Variants in F13A1 observed in about 807,000 individuals in gnomAD.
F13A1 encodes the protein coagulation factor XIII A chain, also known as FSF, A subunit.
F13A1 carries 47 observed loss-of-function variants against 80.1 expected under a neutral mutation model. The ratio of observed to expected loss-of-function variants is 0.59; its 90% CI spans 0.46 to 0.75. The LOEUF (loss-of-function observed/expected upper bound fraction) is 0.75, where lower values mean the gene tolerates loss of function less well. F13A1 is among the 30% of genes least tolerant of loss of function. The probability of loss-of-function intolerance (pLI) is 0.00; values close to 1 mark genes in which losing one functional copy is unlikely to be tolerated. For synonymous variants in F13A1, 349 were observed against 344.9 expected, an observed-to-expected ratio of 1.01 and a Z score of -0.13; for missense variants, 817 against 930.4, an observed-to-expected ratio of 0.88 and a Z score of 1.59.
Position 6,150,290 on chromosome 6 carries a change from G to A in F13A1, c.2045+1523C>T, listed in dbSNP as rs184703377. Among the ~76,000 whole-genome samples, 6 of 152,284 alleles carry A rather than the reference G, an allele frequency of 3.9e-5. No homozygotes were observed. The East Asian group carries it at 5.8e-4, about 15-fold the overall frequency. The stretch of plus-strand genomic sequence containing the variant: ...GCGAGAATGGGTGAGTGAGACTGTC[G>A]TTTCTGACGAAAGCAGGGGTATGGC... On this transcript the variant is annotated intron_variant, in intron 14 of 14. Transcript: ENST00000264870.
chr6:6,212,109 C>G (rs973274131), intron 8 of F13A1, among the ~76,000 whole-genome samples: 1 of 152,246 alleles, frequency 6.6e-6, no homozygotes, highest in Non-Finnish European at 1.5e-5. Context: ...CGGAGGGGCG[C>G]CCGCCATTGC....
At chr6:6,307,974 A>T (rs532844121) in intron 2 of F13A1, among the ~76,000 whole-genome samples, 14 of 133,396 alleles carry the variant, frequency 1.0e-4, no homozygotes, top group Non-Finnish European at 1.7e-5. Flanking sequence ...GACTGCTCAT[A>T]GGATTTTTTT....
At chr6:6,198,164 C>A (rs779088099) in intron 8 of F13A1, among the ~76,000 whole-genome samples, 1 of 152,088 alleles carries the variant, frequency 6.6e-6, no homozygotes, top group Non-Finnish European at 1.5e-5. Flanking sequence ...TCGTGTCCAA[C>A]AAGAAGAATA....
intron 8 of F13A1, among the ~76,000 whole-genome samples, chr6:6,207,753 A>T (rs898800713): frequency 6.6e-6 from 1 of 152,202 alleles, no homozygotes; most frequent in African/African-American, 2.4e-5. Flanking sequence ...GGCCCAAGGT[A>T]TTTAAGGAAA....
At chr6:6,278,618 T>C (rs1024453500) in intron 3 of F13A1, among the ~76,000 whole-genome samples, 1 of 151,668 alleles carries the variant, frequency 6.6e-6, no homozygotes, top group East Asian at 1.9e-4. Context: ...ATAAGATGCC[T>C]GGGACAGAGG....
At chr6:6,263,484 G>T (rs1267990774) in intron 4 of F13A1, among the ~76,000 whole-genome samples, 1 of 152,072 alleles carries the variant, frequency 6.6e-6, no homozygotes, top group African/African-American at 2.4e-5. Flanking sequence ...AGCCTCCTTT[G>T]TTGACTTCTC....
chr6:6,205,627 C>T (rs1761473202), intron 8 of F13A1, among the ~76,000 whole-genome samples: 2 of 152,124 alleles, frequency 1.3e-5, no homozygotes. Context: ...TTGTTAATAG[C>T]AATTTTTAGA....
intron 14 of F13A1, among the ~76,000 whole-genome samples, chr6:6,149,574 C>T (rs1760337911): frequency 1.3e-5 from 2 of 152,166 alleles, no homozygotes; most frequent in African/African-American, 4.8e-5. Flanking sequence ...CTCTCTCTGC[C>T]CCATGTGAGG....
At chr6:6,316,079 A>T (rs530124470) in intron 2 of F13A1, among the ~76,000 whole-genome samples, 2 of 2,858 alleles carry the variant, frequency 7.0e-4, no homozygotes, top group Non-Finnish European at 1.1e-3. Context: ...GTGTGTGTGC[A>T]TATATATATA....
intron 3 of F13A1, among the ~76,000 whole-genome samples, chr6:6,303,404 A>G (rs553545779): frequency 6.6e-5 from 10 of 152,294 alleles, no homozygotes; most frequent in South Asian, 6.2e-4. Context: ...AAAATTGACA[A>G]TCATAATTGT....
intron 10 of F13A1, among the ~76,000 whole-genome samples, chr6:6,190,932 C>A (rs1019984812): frequency 6.6e-6 from 1 of 152,160 alleles, no homozygotes; most frequent in Non-Finnish European, 1.5e-5. Flanking sequence ...CGTGGTGCGC[C>A]GTTTTTTAAG....
intron 8 of F13A1, among the ~76,000 whole-genome samples, chr6:6,221,385 A>G (rs887028492): frequency 6.6e-6 from 1 of 152,170 alleles, no homozygotes; most frequent in Non-Finnish European, 1.5e-5. Context: ...CTATATCTCA[A>G]TGAAAGGTGA....
In F13A1 at chr6:6,165,260, A is replaced by G. The variant is rs1156787364; in HGVS notation, c.1908+2198T>C. On this transcript the variant is annotated intron_variant, in intron 13 of 14. Transcript: ENST00000264870. ...TAACTCTCCATTTAAAGTACTCTCT[A>G]CATGCCCAGGTCTGCTAACTTGTGG... Among the ~76,000 whole-genome samples, 3 of 152,222 alleles carry G rather than the reference A, an allele frequency of 2.0e-5. 1 individual carries two copies. The highest frequency in any genetic ancestry group is 2.0e-4 in the Admixed American group (3 of 15,286).
intron 6 of F13A1, among the ~76,000 whole-genome samples, chr6:6,241,001 C>A (rs1185345257): frequency 1.3e-5 from 2 of 152,146 alleles, no homozygotes; most frequent in Non-Finnish European, 2.9e-5. Context: ...TCAGTGGATT[C>A]TCCCAAAGTT....
intron 6 of F13A1, among the ~76,000 whole-genome samples, chr6:6,236,328 A>C (rs1365308545): frequency 1.3e-5 from 2 of 152,158 alleles, no homozygotes; most frequent in Non-Finnish European, 2.9e-5. Context: ...GTGAAAATCA[A>C]TGAAGACTTT....
At chr6:6,303,919 C>A (rs921931212) in intron 3 of F13A1, among the ~76,000 whole-genome samples, 1 of 152,148 alleles carries the variant, frequency 6.6e-6, no homozygotes, top group Non-Finnish European at 1.5e-5. Flanking sequence ...TTCTATCTAG[C>A]CAACTTACAA....
At chr6:6,303,248 C>T (rs1439063147) in intron 3 of F13A1, among the ~76,000 whole-genome samples, 1 of 152,046 alleles carries the variant, frequency 6.6e-6, no homozygotes, top group African/African-American at 2.4e-5. Context: ...TTGGTTATCA[C>T]CAGGTAATTA....
At chr6:6,224,551 C>T (rs1170134311) in intron 7 of F13A1, 135 bp downstream of exon 7, 5 of 764,112 alleles carry the variant, frequency 6.5e-6, no homozygotes, top group Non-Finnish European at 8.7e-6. Flanking sequence ...GCATTGACTA[C>T]ATCCCAGAAT....
Position 6,320,581 on chromosome 6 carries a change from G to A in F13A1, c.-19+6C>T. On this transcript the variant is annotated splice_donor_region_variant and intron_variant, in intron 1 of 14. Transcript: ENST00000264870. ...TGGCTCATAGGGTGCAGGGTCGGTG[G>A]CTTACCTGCAGGCGCTCCCCTCCAG... The A allele has an allele frequency of 2.1e-6, 1 of 467,852 alleles. No individual in the cohort carries two copies. Among genetic ancestry groups the A allele is most frequent in the Non-Finnish European group, 4.4e-6 (1 of 225,314 alleles). 29.0% of individuals were successfully genotyped at this position (467,852 alleles called of 1,614,324 possible).
Sources: gnomAD v4.1 joint callset for allele counts (sites outside exome capture counted in the v4.1 genomes callset) on GRCh38, gnomAD v4.1.1 for gene constraint, MANE v1.5 for transcripts, NCBI Gene and HGNC (gene_info 2026-07-23, HGNC 2026-07-21) for gene names.